The following PACSIN2 variants were observed in gnomAD, a reference collection of about 807,000 sequenced individuals.
The protein encoded by PACSIN2 is protein kinase C and casein kinase substrate in neurons 2, also known as protein kinase C and casein kinase substrate in neurons protein 2.
Under a neutral mutation model 63.8 loss-of-function variants are expected in PACSIN2, and 25 were observed. That is an observed-to-expected ratio of 0.39 (90% CI 0.29 to 0.55). The LOEUF is 0.55. Ranked by LOEUF, PACSIN2 falls within the 20% of genes least tolerant of loss-of-function variation. The pLI is 0.62. For synonymous variants in PACSIN2, 255 were observed against 256.2 expected (o/e 1.00, Z 0.05); for missense variants, 518 against 646.9 (o/e 0.80, Z 2.16).
chr22:42,935,672 A>C (rs1207760009), intron 1 of PACSIN2, among the ~76,000 whole-genome samples: 1 of 152,124 alleles, frequency 6.6e-6, no homozygotes, highest in African/African-American at 2.4e-5. Flanking sequence ...TTCGAGGAAA[A>C]AGTGTTTCCA....
At position 42,900,217 on chromosome 22, in the gene PACSIN2, T is replaced by C. The variant is rs1262996947; in HGVS notation, c.61-6604A>G. On this transcript the variant is annotated intron_variant, in intron 2 of 10. Coordinates refer to ENST00000263246, the MANE Select transcript of PACSIN2 (RefSeq NM_001184970.3). ...TCCAGCTGGGGGCCATGATGGCCCTTGTGAACACCGTCCCCATGCCCTTCG... is the reference window on the plus strand; with the variant it reads ...TCCAGCTGGGGGCCATGATGGCCCTCGTGAACACCGTCCCCATGCCCTTCG... 4.6e-5 allele frequency among the ~76,000 whole-genome samples: 7 copies of C among 152,158 alleles called. No individual in the cohort carries two copies. The East Asian group carries it at 1.4e-3, about 29-fold the overall frequency.
chr22:42,965,075 C>T (rs760209745), intron 1 of PACSIN2, among the ~76,000 whole-genome samples: 1 of 152,174 alleles, frequency 6.6e-6, no homozygotes. Flanking sequence ...GTGGCATCGG[C>T]GCACAGCTGA....
At chr22:42,901,231 C>A (rs1268608749) in intron 2 of PACSIN2, among the ~76,000 whole-genome samples, 1 of 152,128 alleles carries the variant, frequency 6.6e-6, no homozygotes, top group Non-Finnish European at 1.5e-5. Flanking sequence ...GAGCTCCTGG[C>A]GTACCCCTCG....
chr22:42,911,970 G>A, intron 2 of PACSIN2, 51 bp downstream of exon 2: 1 of 1,385,920 alleles, frequency 7.2e-7, no homozygotes, highest in Non-Finnish European at 1.0e-6. Context: ...GGGCCTGCCA[G>A]ACACTATTGG....
intron 1 of PACSIN2, among the ~76,000 whole-genome samples, chr22:42,974,882 G>C (rs1921583695): frequency 6.6e-6 from 1 of 152,148 alleles, no homozygotes; most frequent in African/African-American, 2.4e-5. Context: ...TAAGCTTTGG[G>C]AATTAGTCCT....
Position 43,013,602 on chromosome 22 carries a change from C to G in PACSIN2, c.-78+1419G>C, listed in dbSNP as rs533129912. Among the ~76,000 whole-genome samples, 4 of 152,308 alleles carry G rather than the reference C, an allele frequency of 2.6e-5. No homozygotes were observed. The South Asian group carries it at 8.3e-4, about 32-fold the overall frequency. On this transcript the variant is annotated intron_variant, in intron 1 of 10. Coordinates refer to ENST00000263246, the MANE Select transcript of PACSIN2 (RefSeq NM_001184970.3). ...GAGGGCTGGCATTCAACACTGCCTG[C>G]CTGGTCGGTTCCCTTGCCCTGGGCT...
intron 2 of PACSIN2, among the ~76,000 whole-genome samples, chr22:42,895,270 A>G (rs8140775): frequency 0.036 from 5,552 of 152,282 alleles, 133 homozygotes; most frequent in African/African-American, 0.065. Flanking sequence ...CCTTAAAATG[A>G]GGCCTTACTG....
At chr22:42,911,178 A>G (rs1931430382) in intron 2 of PACSIN2, among the ~76,000 whole-genome samples, 1 of 152,106 alleles carries the variant, frequency 6.6e-6, no homozygotes, top group Admixed American at 6.5e-5. Context: ...TGCTGGGGTT[A>G]CAGACATGAG....
intron 2 of PACSIN2, among the ~76,000 whole-genome samples, chr22:42,899,297 T>G (rs1930507612): frequency 6.6e-6 from 1 of 152,136 alleles, no homozygotes. Flanking sequence ...TTCTTTTTCT[T>G]TTTTTTTGAG....
intron 1 of PACSIN2, among the ~76,000 whole-genome samples, chr22:42,917,925 T>C (rs1051189994): frequency 2.0e-5 from 3 of 152,160 alleles, no homozygotes; most frequent in Non-Finnish European, 4.4e-5. Flanking sequence ...TGCCTGGCTA[T>C]GCTCTATCTT....
rs1928127606 is a variant in PACSIN2, at chr22:42,871,535, A to G, written c.1349-66T>C. 2 of 1,270,544 alleles carry G rather than the reference A, an allele frequency of 1.6e-6. No homozygotes were observed. Among genetic ancestry groups the G allele is most frequent in the Non-Finnish European group, 2.3e-6 (2 of 867,630 alleles). 78.7% of individuals were successfully genotyped at this position (1,270,544 alleles called of 1,614,324 possible). A position where few individuals can be genotyped will look rare whatever the true frequency, so the allele number is the denominator to read the frequency against. ...CACCGACGGTGGGCTACAGAGCCGCATTCACGAGCTTTGAGCCCACAGAGG... is the reference window on the plus strand; with the variant it reads ...CACCGACGGTGGGCTACAGAGCCGCGTTCACGAGCTTTGAGCCCACAGAGG... On this transcript the variant is annotated intron_variant, in intron 10 of 10. Transcript: ENST00000263246. The surrounding 1 kb of genome is among the most constrained non-coding windows in gnomAD (Gnocchi z 5.4).
At chr22:42,908,180 G>C (rs1931214814) in intron 2 of PACSIN2, among the ~76,000 whole-genome samples, 1 of 152,230 alleles carries the variant, frequency 6.6e-6, no homozygotes. Context: ...AGCTCTAAAT[G>C]CACAGACAGC....
Position 42,876,947 on chromosome 22 carries a change from G to T in PACSIN2, c.1092C>A (p.Phe364Leu). Residue 364 changes from phenylalanine (F) to leucine (L), a missense_variant, in exon 9 of 11, where the codon TTC (phenylalanine) becomes TTA (leucine). Physicochemically the swap from Phe to Leu is conservative, Grantham distance 22 (BLOSUM62 0). This residue lies in a region of PACSIN2 where 507 missense variants were observed against 612.3 expected (regional missense o/e 0.83). Coordinates refer to ENST00000263246, the MANE Select transcript of PACSIN2 (RefSeq NM_001184970.3). ...SAQSQSSYNP[F>L]EDEDDTGSTV... ...TGCTGCCCGTGTCGTCCTCATCCTC[G>T]AAGGGGTTGTAGCTGGACTGTGACT... is the stretch of plus-strand genomic sequence containing the variant. 6.2e-7 allele frequency: 1 copy of T among 1,614,168 alleles called. No individual in the cohort carries two copies. Among genetic ancestry groups the T allele is most frequent in the South Asian group, 1.1e-5 (1 of 91,086 alleles).
In PACSIN2 at chr22:42,912,470, G is replaced by GT. The variant is rs567038971; in HGVS notation, c.-77-314dup. The stretch of plus-strand genomic sequence containing the variant: ...GTAGGGCTAGGACCCGGGATAAAAC[G>GT]TGAGTGGAGGTAATCCCACCTTTGA... On this transcript the variant is annotated intron_variant, in intron 1 of 10. Transcript: ENST00000263246. Among the ~76,000 whole-genome samples the GT allele has an allele frequency of 2.6e-3, 389 of 152,306 alleles. 2 individuals carry two copies. The highest frequency in any genetic ancestry group is 9.2e-3 in the African/African-American group (382 of 41,552).
intron 1 of PACSIN2, among the ~76,000 whole-genome samples, chr22:42,987,734 C>G (rs558139438): frequency 1.3e-5 from 2 of 151,770 alleles, no homozygotes; most frequent in African/African-American, 4.8e-5. Flanking sequence ...GGTTTAATCA[C>G]TGTGTTAGCC....
chr22:43,011,735 G>T (rs1166005891), intron 1 of PACSIN2, among the ~76,000 whole-genome samples: 2 of 152,106 alleles, frequency 1.3e-5, no homozygotes, highest in African/African-American at 4.8e-5. Context: ...AAACTAACCA[G>T]GCAAGGTGGC....
intron 1 of PACSIN2, among the ~76,000 whole-genome samples, chr22:43,012,005 C>T (rs186776777): frequency 5.9e-4 from 89 of 152,124 alleles, no homozygotes; most frequent in African/African-American, 2.0e-3. Flanking sequence ...ATTAGCCAGG[C>T]GTGGTGGTGG....
rs1013291035 is a variant in PACSIN2, at chr22:42,951,127, C to T, written c.-77-38970G>A. 2.0e-5 allele frequency among the ~76,000 whole-genome samples: 3 copies of T among 152,120 alleles called. No homozygotes were observed. In the East Asian group the frequency reaches 5.8e-4, roughly 29 times the overall value. Reference sequence around the variant, plus strand: ...CCATAAGAATACACTGATTGAGTTGCTTTTGAAAATTCAAAAGGAAGATAA... The same window carrying T: ...CCATAAGAATACACTGATTGAGTTGTTTTTGAAAATTCAAAAGGAAGATAA... On this transcript the variant is annotated intron_variant, in intron 1 of 10. Coordinates refer to ENST00000263246, the MANE Select transcript of PACSIN2 (RefSeq NM_001184970.3).
intron 1 of PACSIN2, among the ~76,000 whole-genome samples, chr22:43,003,140 G>A (rs1226236511): frequency 6.6e-6 from 1 of 152,192 alleles, no homozygotes; most frequent in Non-Finnish European, 1.5e-5. Context: ...AGTTGGCAGG[G>A]AATAGGTTAC....
Sources: allele counts gnomAD v4.1 joint callset (sites outside exome capture counted in the v4.1 genomes callset), GRCh38; gene constraint gnomAD v4.1.1; regional missense constraint gnomAD v4.1.1; non-coding constraint Gnocchi (gnomAD v3.1); transcripts MANE v1.5; gene names NCBI Gene and HGNC (gene_info 2026-07-23, HGNC 2026-07-21).